Variants in FOXN1 observed in about 807,000 individuals in gnomAD.
The protein encoded by FOXN1 is forkhead box N1.
In FOXN1, 15 loss-of-function variants were observed where a neutral mutation model predicts 49.0. The observed-to-expected ratio is 0.31, with a 90% confidence interval of 0.20 to 0.47. The LOEUF (loss-of-function observed/expected upper bound fraction) is 0.47. FOXN1 is among the 20% of genes least tolerant of loss of function. The probability of loss-of-function intolerance (pLI) is 1.00; values close to 1 mark genes in which losing one functional copy is unlikely to be tolerated. For missense variants in FOXN1, 800 were observed against 842.8 expected (o/e 0.95, Z 0.63); for synonymous variants, 356 against 369.0 (o/e 0.96, Z 0.40).
chr17:28,523,952 T>C lies in FOXN1; in HGVS notation c.-14-4T>C. On this transcript the variant is annotated splice_region_variant and splice_polypyrimidine_tract_variant and intron_variant, in intron 1 of 8. Coordinates refer to ENST00000579795, the MANE Select transcript of FOXN1 (RefSeq NM_001369369.1). ...CACTCTCATGGCAGACGGCTTTCTT[T>C]GAGGCCAGGACTGGGTGATGGTGTC... 1 of 1,613,184 alleles carries C rather than the reference T, an allele frequency of 6.2e-7. No individual in the cohort carries two copies. Among genetic ancestry groups the C allele is most frequent in the Non-Finnish European group, 8.5e-7 (1 of 1,179,922 alleles).
At chr17:28,521,898 G>A (rs975562896) in intron 1 of FOXN1, among the ~76,000 whole-genome samples, 2 of 152,254 alleles carry the variant, frequency 1.3e-5, no homozygotes, top group South Asian at 2.1e-4. Context: ...CCAGAGCTCC[G>A]GAAAGAGCAT....
intron 1 of FOXN1, among the ~76,000 whole-genome samples, chr17:28,513,563 G>A (rs2069435809): frequency 6.6e-6 from 1 of 152,186 alleles, no homozygotes; most frequent in Non-Finnish European, 1.5e-5. Flanking sequence ...GGCTCTAGTT[G>A]GCCTCCCCAG....
At chr17:28,512,548 GGC>G (rs2069415088) in intron 1 of FOXN1, among the ~76,000 whole-genome samples, 2 of 152,238 alleles carry the variant, frequency 1.3e-5, no homozygotes. Context: ...CAGAGGCTGA[GGC>G]GAGAGCCTAG....
chr17:28,517,565 C>T (rs1490008001), intron 1 of FOXN1, among the ~76,000 whole-genome samples: 3 of 149,922 alleles, frequency 2.0e-5, no homozygotes, highest in Non-Finnish European at 4.4e-5. Flanking sequence ...GGGTACACAC[C>T]TCCACAGGAT....
rs141954112 is a variant in FOXN1 at position 28,512,920 on chromosome 17, C to A, written c.-15+6477C>A. ...GGAGCATCTAAGGAGTAGGAAGAACCCAGTAGGGCTGATCTCTCAGACTAG... is the reference window on the plus strand; with the variant it reads ...GGAGCATCTAAGGAGTAGGAAGAACACAGTAGGGCTGATCTCTCAGACTAG... On this transcript the variant is annotated intron_variant, in intron 1 of 8. Coordinates refer to ENST00000579795, the MANE Select transcript of FOXN1 (RefSeq NM_001369369.1). 1.4e-3 allele frequency among the ~76,000 whole-genome samples: 214 copies of A among 152,218 alleles called. 2 individuals are homozygous for A. Among genetic ancestry groups the A allele is most frequent in the African/African-American group, 4.5e-3 (188 of 41,522 alleles).
At chr17:28,518,016 GTACACACCTCCACAGGA>G (rs2069564046) in intron 1 of FOXN1, among the ~76,000 whole-genome samples, 1 of 141,006 alleles carries the variant, frequency 7.1e-6, no homozygotes, top group Non-Finnish European at 1.5e-5. Flanking sequence ...CCTCCACAGG[GTACACACCTCCACAGGA>G]TACACACCTC....
In FOXN1 at chr17:28,537,366, C is replaced by G. The variant is rs760621039; in HGVS notation, c.1877C>G (p.Thr626Arg). The G allele has an allele frequency of 9.3e-6, 15 of 1,612,350 alleles. No homozygotes were observed. The highest frequency in any genetic ancestry group is 1.3e-5 in the Non-Finnish European group (15 of 1,179,032). ...TCTGCCTTTATGGAGCTGGAGCCCA[C>G]GCCCCCCACGGCCCCTGCAGGCCCC... ...LYSAFMELEP[T>R]PPTAPAGPSV... The change falls in exon 9 of 9, where the codon ACG becomes AGG. Residue 626 changes from threonine (T) to arginine (R), a missense_variant. By Grantham distance (71) the Thr-to-Arg change is moderately conservative. Around this residue, in one of 3 missense-constraint regions of FOXN1, gnomAD observed 344 missense variants for 366.1 expected, o/e 0.94. Transcript: ENST00000579795.
intron 3 of FOXN1, among the ~76,000 whole-genome samples, chr17:28,525,321 A>G (rs1375870490): frequency 6.6e-6 from 1 of 152,190 alleles, no homozygotes; most frequent in African/African-American, 2.4e-5. Flanking sequence ...CCAGAGGCCA[A>G]GGGAAAGGGT....
At position 28,523,942 on chromosome 17, in the gene FOXN1, C is replaced by T. The variant is rs371843446; in HGVS notation, c.-14-14C>T. ...TGCTGGTCCTCACTCTCATGGCAGA[C>T]GGCTTTCTTTGAGGCCAGGACTGGG... is the stretch of plus-strand genomic sequence containing the variant. On this transcript the variant is annotated splice_polypyrimidine_tract_variant and intron_variant, in intron 1 of 8. Transcript: ENST00000579795. 144 of 1,612,942 alleles carry T rather than the reference C, an allele frequency of 8.9e-5. No individual in the cohort carries two copies. Among genetic ancestry groups the T allele is most frequent in the Non-Finnish European group, 1.1e-4 (134 of 1,179,856 alleles).
intron 5 of FOXN1, among the ~76,000 whole-genome samples, chr17:28,529,973 G>A (rs2069870074): frequency 2.0e-5 from 3 of 151,338 alleles, no homozygotes; most frequent in Admixed American, 1.3e-4. Context: ...GAAACCTCAG[G>A]GAAGTTACTT....
intron 1 of FOXN1, among the ~76,000 whole-genome samples, chr17:28,523,177 G>T (rs630623): frequency 6.6e-6 from 1 of 152,170 alleles, no homozygotes; most frequent in Admixed American, 6.5e-5. Flanking sequence ...TGTACCCAAG[G>T]CTCTAGGTCT....
In FOXN1 at chr17:28,524,968, G is replaced by T; in HGVS notation, c.588+1G>T. 6.3e-7 allele frequency: 1 copy of T among 1,598,728 alleles called. No individual in the cohort carries two copies. Among genetic ancestry groups the T allele is most frequent in the Non-Finnish European group, 8.5e-7 (1 of 1,170,716 alleles). ...CCAGGAGCATGGCCCCCAAGTCCTG[G>T]TGAGTACTAGTGGCCAGCGAGTGTC... On this transcript the variant is annotated splice_donor_variant, in intron 3 of 8. Coordinates refer to ENST00000579795, the MANE Select transcript of FOXN1 (RefSeq NM_001369369.1). LOFTEE classifies it high-confidence loss of function.
At chr17:28,516,771 A>T (rs1264546851) in intron 1 of FOXN1, among the ~76,000 whole-genome samples, 1 of 110,304 alleles carries the variant, frequency 9.1e-6, no homozygotes, top group Non-Finnish European at 2.0e-5. Flanking sequence ...CCTCCACAGG[A>T]TCCATACCTC....
chr17:28,537,307 G>A lies in FOXN1; in HGVS notation c.1818G>A (p.Gly606=), dbSNP rs778207443. Reference sequence around the variant, plus strand: ...CAGCCCCGGGCAGTGGTGGCTCCGGGGCACTGGGTGACCTGCACCTCACCA... The same window carrying A: ...CAGCCCCGGGCAGTGGTGGCTCCGGAGCACTGGGTGACCTGCACCTCACCA... ...DLAAPGSGGS[G]ALGDLHLTTL... The change falls in exon 9 of 9, where the codon GGG becomes GGA. Residue 606 remains glycine, a synonymous_variant. Coordinates refer to ENST00000579795, the MANE Select transcript of FOXN1 (RefSeq NM_001369369.1). 1.2e-5 allele frequency: 19 copies of A among 1,613,710 alleles called. No individual in the cohort carries two copies. The South Asian group carries it at 1.9e-4, about 16-fold the overall frequency.
chr17:28,535,120 G>A lies in FOXN1; in HGVS notation c.1549G>A (p.Asp517Asn), dbSNP rs200053524. ...AEPSPARTMHDTLLPDGDLGT... is the reference protein window; with the variant it reads ...AEPSPARTMHNTLLPDGDLGT... ...GCCTTCCCCAGCCAGGACTATGCACGACACCCTGCTGCCAGATGGAGACCT... is the reference window on the plus strand; with the variant it reads ...GCCTTCCCCAGCCAGGACTATGCACAACACCCTGCTGCCAGATGGAGACCT... Residue 517 changes from aspartate (D) to asparagine (N), a missense_variant, in exon 8 of 9, where the codon GAC (aspartate) becomes AAC (asparagine). Coordinates refer to ENST00000579795, the MANE Select transcript of FOXN1 (RefSeq NM_001369369.1). The A allele has an allele frequency of 1.4e-5, 23 of 1,608,900 alleles. No individual in the cohort carries two copies. The highest frequency in any genetic ancestry group is 1.7e-4 in the Middle Eastern group (1 of 6,052).
In FOXN1 at chr17:28,534,587, CAAA is replaced by C. The variant is rs373952661; in HGVS notation, c.1135+61_1135+63del. 1,012 of 1,463,580 alleles carry C rather than the reference CAAA, an allele frequency of 6.9e-4. No homozygotes were observed. Among genetic ancestry groups the C allele is most frequent in the Admixed American group, 1.9e-3 (85 of 44,480 alleles). 90.7% of individuals were successfully genotyped at this position (1,463,580 alleles called of 1,614,324 possible). A position where few individuals can be genotyped will look rare whatever the true frequency, so the allele number is the denominator to read the frequency against. On this transcript the variant is annotated intron_variant, in intron 7 of 8. Coordinates refer to ENST00000579795, the MANE Select transcript of FOXN1 (RefSeq NM_001369369.1). This position sits in a 1 kb window ranked among gnomAD's most constrained non-coding sequence, Gnocchi z 4.1. ...GGAAGGGCCCAGGGTACTCATGAGC[CAAA>C]AAAAAAAAAAAGAGAGAATCAGAGA...
chr17:28,535,758 A>T (rs1485710467), intron 8 of FOXN1, among the ~76,000 whole-genome samples: 1 of 152,260 alleles, frequency 6.6e-6, no homozygotes, highest in African/African-American at 2.4e-5. Context: ...CAAACAAACA[A>T]AAAAACCACT....
At chr17:28,510,396 A>G (rs2069364175) in intron 1 of FOXN1, among the ~76,000 whole-genome samples, 1 of 152,028 alleles carries the variant, frequency 6.6e-6, no homozygotes, top group Non-Finnish European at 1.5e-5. Flanking sequence ...ACACAGACAC[A>G]CGCGCACGCA....
intron 8 of FOXN1, among the ~76,000 whole-genome samples, chr17:28,535,631 AT>A (rs1403714727): frequency 7.9e-5 from 12 of 152,166 alleles, no homozygotes; most frequent in African/African-American, 2.9e-4. Flanking sequence ...TGCACCTGTA[AT>A]CCCAGCTACT....
Sources: allele counts gnomAD v4.1 joint callset (sites outside exome capture counted in the v4.1 genomes callset), GRCh38; gene constraint gnomAD v4.1.1; regional missense constraint gnomAD v4.1.1; non-coding constraint Gnocchi (gnomAD v3.1); transcripts MANE v1.5; gene names NCBI Gene and HGNC (gene_info 2026-07-23, HGNC 2026-07-21).